KSR2: variants seen among roughly 807,000 people sequenced by gnomAD.
The protein encoded by KSR2 is kinase suppressor of ras 2.
In KSR2, 25 loss-of-function variants were observed where a neutral mutation model predicts 107.8. The observed-to-expected ratio is 0.23, with a 90% CI of 0.17 to 0.32. The LOEUF is 0.32. Ranked by LOEUF, KSR2 falls within the 10% of genes least tolerant of loss-of-function variation. KSR2 has a pLI of 1.00. For missense variants in KSR2, 887 were observed against 1,268.9 expected, an observed-to-expected ratio of 0.70 and a Z score of 4.57; for synonymous variants, 480 against 507.0, an observed-to-expected ratio of 0.95 and a Z score of 0.71.
At chr12:117,766,972 C>T (rs551203850) in intron 3 of KSR2, among the ~76,000 whole-genome samples, 1 of 151,892 alleles carries the variant, frequency 6.6e-6, no homozygotes, top group South Asian at 2.1e-4. Context: ...CAACCTCCAC[C>T]TCCTGGAGTT....
chr12:117,772,517 GCA>G (rs1322654021), intron 3 of KSR2, among the ~76,000 whole-genome samples: 3 of 93,922 alleles, frequency 3.2e-5, no homozygotes, highest in African/African-American at 4.2e-5. Flanking sequence ...CCCCAAAGAC[GCA>G]CACACACTCA....
intron 4 of KSR2, among the ~76,000 whole-genome samples, chr12:117,757,603 T>C (rs1888841373): frequency 6.6e-6 from 1 of 152,196 alleles, no homozygotes. Context: ...TTTAAGAAAT[T>C]GTCACAATCA....
At chr12:117,875,729 G>A (rs1003491965) in intron 1 of KSR2, among the ~76,000 whole-genome samples, 1 of 152,102 alleles carries the variant, frequency 6.6e-6, no homozygotes, top group Non-Finnish European at 1.5e-5. Flanking sequence ...AGCCCTTTCC[G>A]TTCCTTCAGG....
chr12:117,845,162 C>T (rs956378762), intron 3 of KSR2, among the ~76,000 whole-genome samples: 1 of 152,046 alleles, frequency 6.6e-6, no homozygotes, highest in African/African-American at 2.4e-5. Flanking sequence ...AAAAAACCGG[C>T]GTCATAGTAT....
At chr12:117,530,833 C>T (rs1875570275) in intron 12 of KSR2, 108 bp downstream of exon 12, 1 of 957,594 alleles carries the variant, frequency 1.0e-6, no homozygotes, top group South Asian at 1.5e-5. Flanking sequence ...CTGCCCCCAA[C>T]TCCATCAGTT....
At chr12:117,644,107 C>G (rs1435651233) in intron 5 of KSR2, among the ~76,000 whole-genome samples, 1 of 152,156 alleles carries the variant, frequency 6.6e-6, no homozygotes, top group Non-Finnish European at 1.5e-5. Flanking sequence ...TCCACCTCTG[C>G]AAATGTGGAT....
rs1892523185 is a variant in KSR2 at position 117,842,350 on chromosome 12, G to C, written c.472+13078C>G. On this transcript the variant is annotated intron_variant, in intron 3 of 19. Transcript: ENST00000339824. The surrounding 1 kb of genome is among the most constrained non-coding windows in gnomAD (Gnocchi z 4.2). Reference sequence around the variant, plus strand: ...AATCAGCCAGAGGAAGATTGAGGCAGGGTATTCCAGGCAGAAAGAAGGGCT... The same window carrying C: ...AATCAGCCAGAGGAAGATTGAGGCACGGTATTCCAGGCAGAAAGAAGGGCT... 6.6e-6 allele frequency among the ~76,000 whole-genome samples: 1 copy of C among 152,210 alleles called. No individual in the cohort carries two copies. Among genetic ancestry groups the C allele is most frequent in the Non-Finnish European group, 1.5e-5 (1 of 68,044 alleles).
At position 117,684,140 on chromosome 12, in the gene KSR2, C is replaced by A. The variant is rs530253719; in HGVS notation, c.987-16482G>T. 8.5e-5 allele frequency among the ~76,000 whole-genome samples: 13 copies of A among 152,274 alleles called. No homozygotes were observed. The South Asian group carries it at 2.3e-3, about 27-fold the overall frequency. ...GGCTCCCCTAGAGCCCTCATCTCTG[C>A]CACTGGGACTTTATCTAGTGTCTCT... On this transcript the variant is annotated intron_variant, in intron 4 of 19. Transcript: ENST00000339824.
At chr12:117,839,953 T>G (rs1566042463) in intron 3 of KSR2, among the ~76,000 whole-genome samples, 1 of 152,144 alleles carries the variant, frequency 6.6e-6, no homozygotes, top group Non-Finnish European at 1.5e-5. Context: ...GTTACACAAC[T>G]ACTTATTTGT....
rs370695763 is a variant in KSR2, at chr12:117,761,462, T to C, written c.535A>G (p.Asn179Asp). 1 of 1,612,906 alleles carries C rather than the reference T, an allele frequency of 6.2e-7. No homozygotes were observed. Among genetic ancestry groups the C allele is most frequent in the African/African-American group, 1.3e-5 (1 of 74,786 alleles). Residue 179 changes from asparagine (N) to aspartate (D), a missense_variant, in exon 4 of 20, where the codon AAC becomes GAC. Asn to Asp is a conservative substitution (Grantham distance 23, BLOSUM62 1). Coordinates refer to ENST00000339824, the MANE Select transcript of KSR2 (RefSeq NM_173598.6). Reference protein sequence around the residue: ...QWPTTETGKENNPVCPPEPTP... With the variant: ...QWPTTETGKEDNPVCPPEPTP... ...GGCTCCGGGGGGCACACGGGATTGT[T>C]CTCCTTCCCCGTCTCTGTCGTGGGC... is the stretch of plus-strand genomic sequence containing the variant.
intron 7 of KSR2, among the ~76,000 whole-genome samples, chr12:117,564,961 C>T (rs1878371138): frequency 6.6e-6 from 1 of 152,194 alleles, no homozygotes; most frequent in African/African-American, 2.4e-5. Flanking sequence ...TTCTTTCTTC[C>T]CTCCCTTCTT....
chr12:117,643,880 A>G (rs1435977987), intron 5 of KSR2, among the ~76,000 whole-genome samples: 3 of 152,178 alleles, frequency 2.0e-5, no homozygotes, highest in South Asian at 2.1e-4. Context: ...TATTCTTAAC[A>G]CTACCGCACG....
chr12:117,718,654 C>T (rs1887091145), intron 4 of KSR2, among the ~76,000 whole-genome samples: 1 of 152,180 alleles, frequency 6.6e-6, no homozygotes, highest in African/African-American at 2.4e-5. Flanking sequence ...TCAGTTTTGT[C>T]CTCTAAGCCA....
intron 1 of KSR2, among the ~76,000 whole-genome samples, chr12:117,922,332 C>T (rs1335071217): frequency 6.6e-6 from 1 of 152,162 alleles, no homozygotes; most frequent in Non-Finnish European, 1.5e-5. Context: ...GCTATCAGGA[C>T]AACATAATGA....
chr12:117,814,767 A>G (rs961962833), intron 3 of KSR2, among the ~76,000 whole-genome samples: 4 of 152,096 alleles, frequency 2.6e-5, no homozygotes, highest in African/African-American at 7.2e-5. Flanking sequence ...GGATCCCTCA[A>G]AGTGTGGGTC....
intron 1 of KSR2, among the ~76,000 whole-genome samples, chr12:117,949,377 T>C (rs1476764293): frequency 6.6e-6 from 1 of 151,876 alleles, no homozygotes; most frequent in Non-Finnish European, 1.5e-5. Context: ...AAGAATTGTA[T>C]CCAGGATACA....
At chr12:117,825,455 A>G (rs1891708641) in intron 3 of KSR2, among the ~76,000 whole-genome samples, 1 of 152,144 alleles carries the variant, frequency 6.6e-6, no homozygotes, top group Admixed American at 6.5e-5. Context: ...TTTCCAAGCA[A>G]AAAATACTTT....
chr12:117,874,342 C>T lies in KSR2; in HGVS notation c.181-13911G>A, dbSNP rs1039716136. Reference sequence around the variant, plus strand: ...CAACCTCCTGAACTCAAGCAATCCTCCCACCTCAGCTTCCCAAGTAGCTAG... The same window carrying T: ...CAACCTCCTGAACTCAAGCAATCCTTCCACCTCAGCTTCCCAAGTAGCTAG... On this transcript the variant is annotated intron_variant, in intron 1 of 19. Transcript: ENST00000339824. Among the ~76,000 whole-genome samples the T allele has an allele frequency of 2.6e-5, 4 of 152,138 alleles. No individual in the cohort carries two copies. The East Asian group carries it at 5.8e-4, about 22-fold the overall frequency.
intron 6 of KSR2, among the ~76,000 whole-genome samples, chr12:117,579,736 G>A (rs1464976356): frequency 6.6e-6 from 1 of 152,144 alleles, no homozygotes; most frequent in East Asian, 1.9e-4. Context: ...CCTCCTGAAA[G>A]AGCTGAGACC....
Sources: allele counts gnomAD v4.1 joint callset (sites outside exome capture counted in the v4.1 genomes callset), GRCh38; gene constraint gnomAD v4.1.1; non-coding constraint Gnocchi (gnomAD v3.1); transcripts MANE v1.5; gene names NCBI Gene and HGNC (gene_info 2026-07-23, HGNC 2026-07-21).